Variants in CDH2 observed in about 807,000 individuals in gnomAD.
CDH2 encodes the protein cadherin 2.
In CDH2, 17 loss-of-function variants were observed where a neutral mutation model predicts 92.0. The ratio of observed to expected loss-of-function variants is 0.18; its 90% CI spans 0.13 to 0.28. CDH2 has a LOEUF of 0.28. CDH2 is among the 10% of genes least tolerant of loss of function. CDH2 has a pLI of 1.00. For synonymous variants in CDH2, 419 were observed against 415.9 expected (o/e 1.01, Z -0.09); for missense variants, 862 against 1,133.1 (o/e 0.76, Z 3.44).
At chr18:27,971,062 C>A (rs1039024732) in intron 14 of CDH2, among the ~76,000 whole-genome samples, 1 of 152,084 alleles carries the variant, frequency 6.6e-6, no homozygotes, top group Admixed American at 6.5e-5. Context: ...ATGGTGAAAC[C>A]CCGTCTCTAC....
intron 1 of CDH2, among the ~76,000 whole-genome samples, chr18:28,162,502 C>A (rs532487098): frequency 1.3e-5 from 2 of 152,262 alleles, no homozygotes; most frequent in South Asian, 2.1e-4. Flanking sequence ...GCATGGCCAG[C>A]GGCAGAAACT....
Position 27,952,237 on chromosome 18 carries a change from A to G in CDH2, c.2637T>C (p.Gly879=). ...SLSSLNSSSS[G]GEQDYDYLND... is the part of the protein sequence containing the mutation. ...TCAGGTAATCATAGTCCTGCTCACCACCACTACTTGAGGAATTAAGGGAGC... is the reference window on the plus strand; with the variant it reads ...TCAGGTAATCATAGTCCTGCTCACCGCCACTACTTGAGGAATTAAGGGAGC... Residue 879 remains glycine (G), a synonymous_variant, in exon 16 of 16, where the codon GGT becomes GGC. Coordinates refer to ENST00000269141, the MANE Select transcript of CDH2 (RefSeq NM_001792.5). 6.2e-7 allele frequency: 1 copy of G among 1,613,556 alleles called. No individual in the cohort carries two copies. The highest frequency in any genetic ancestry group is 2.2e-5 in the East Asian group (1 of 44,854).
intron 2 of CDH2, among the ~76,000 whole-genome samples, chr18:28,044,038 G>A (rs139553492): frequency 1.3e-5 from 2 of 151,488 alleles, no homozygotes; most frequent in Admixed American, 6.6e-5. Flanking sequence ...TCAGCCTCCT[G>A]AGTAGCTGGG....
intron 2 of CDH2, among the ~76,000 whole-genome samples, chr18:28,120,829 T>C (rs879520389): frequency 6.6e-6 from 1 of 152,120 alleles, no homozygotes; most frequent in Non-Finnish European, 1.5e-5. Flanking sequence ...ACCCACACTA[T>C]TAAGTTGTTT....
intron 2 of CDH2, among the ~76,000 whole-genome samples, chr18:28,106,399 AGAGT>A (rs913878596): frequency 1.3e-5 from 2 of 151,970 alleles, no homozygotes; most frequent in Non-Finnish European, 1.5e-5. Context: ...TCTGGGTGCC[AGAGT>A]GAGATTGCAT....
At chr18:28,107,149 T>A (rs2015334917) in intron 2 of CDH2, among the ~76,000 whole-genome samples, 1 of 151,980 alleles carries the variant, frequency 6.6e-6, no homozygotes, top group African/African-American at 2.4e-5. Flanking sequence ...GACTACAAAA[T>A]CAACGTTAAT....
intron 14 of CDH2, among the ~76,000 whole-genome samples, chr18:27,980,627 T>C (rs2143940074): frequency 6.6e-6 from 1 of 152,224 alleles, no homozygotes; most frequent in South Asian, 2.1e-4. Flanking sequence ...TCTAGACTAA[T>C]ATGCTATCAA....
chr18:27,940,918 C>G (rs2143834125), intron 6 of CDH2, among the ~76,000 whole-genome samples: 2 of 152,202 alleles, frequency 1.3e-5, no homozygotes, highest in Admixed American at 1.3e-4. Flanking sequence ...AGCTCCATCT[C>G]TGACCTGTTT....
chr18:27,933,180 A>G (rs1322803141), intron 6 of CDH2, among the ~76,000 whole-genome samples: 1 of 152,192 alleles, frequency 6.6e-6, no homozygotes, highest in African/African-American at 2.4e-5. Context: ...TTTTGGATTA[A>G]CACATACCAT....
intron 2 of CDH2, among the ~76,000 whole-genome samples, chr18:28,029,070 C>A (rs2013628524): frequency 6.6e-6 from 1 of 152,240 alleles, no homozygotes; most frequent in East Asian, 1.9e-4. Context: ...CAGTTCACTA[C>A]TTTCCAACTT....
intron 1 of CDH2, among the ~76,000 whole-genome samples, chr18:28,167,850 G>A (rs1598523144): frequency 6.6e-6 from 1 of 152,062 alleles, no homozygotes; most frequent in African/African-American, 2.4e-5. Context: ...AATCGTAAAG[G>A]TGTTGACACC....
intron 2 of CDH2, among the ~76,000 whole-genome samples, chr18:28,059,557 C>G (rs1187791203): frequency 3.9e-5 from 6 of 152,244 alleles, no homozygotes; most frequent in African/African-American, 1.4e-4. Flanking sequence ...TAACTAACTT[C>G]CATTTTCTAT....
intron 15 of CDH2, among the ~76,000 whole-genome samples, chr18:27,952,708 G>A (rs576396166): frequency 6.6e-6 from 1 of 152,192 alleles, no homozygotes; most frequent in East Asian, 1.9e-4. Context: ...ATAATATATA[G>A]AGCAGCATTG....
At chr18:27,968,006 T>C (rs924829708) in intron 14 of CDH2, among the ~76,000 whole-genome samples, 12 of 152,104 alleles carry the variant, frequency 7.9e-5, no homozygotes, top group African/African-American at 2.9e-4. Context: ...TTTCAGGGAG[T>C]AATGCAAACA....
intron 9 of CDH2, among the ~76,000 whole-genome samples, chr18:27,992,430 C>A (rs1034905040): frequency 1.3e-5 from 2 of 152,178 alleles, no homozygotes; most frequent in Non-Finnish European, 2.9e-5. Context: ...AAAACTCATT[C>A]AAAAACCCTC....
chr18:28,124,206 A>C (rs2144277968), intron 2 of CDH2, among the ~76,000 whole-genome samples: 1 of 152,142 alleles, frequency 6.6e-6, no homozygotes, highest in South Asian at 2.1e-4. Context: ...AGGGAGGGGT[A>C]AATCCAAGAT....
In CDH2 at chr18:28,147,924, A is replaced by G. The variant is rs1047613166; in HGVS notation, c.61-140T>C. The G allele has an allele frequency of 8.4e-6, 5 of 598,798 alleles. No homozygotes were observed. In the East Asian group the frequency reaches 1.4e-4, roughly 17 times the overall value. The allele number at this position is 598,798 out of a possible 1,614,324, so 37.1% of individuals were successfully genotyped here. A position where few individuals can be genotyped will look rare whatever the true frequency, so the allele number is the denominator to read the frequency against. On this transcript the variant is annotated intron_variant, in intron 1 of 15. Coordinates refer to ENST00000269141, the MANE Select transcript of CDH2 (RefSeq NM_001792.5). The stretch of plus-strand genomic sequence containing the variant: ...CCTTTGTTTCCAAGTGCTTACAATT[A>G]GAATGTAGAGGGCAAAGGGTTAATC...
chr18:27,974,643 A>C (rs2011765032), intron 14 of CDH2, among the ~76,000 whole-genome samples: 1 of 152,190 alleles, frequency 6.6e-6, no homozygotes, highest in Admixed American at 6.5e-5. Flanking sequence ...CTGAACCTGA[A>C]TTCCCAATAC....
intron 15 of CDH2, among the ~76,000 whole-genome samples, chr18:27,960,341 C>A (rs113928047): frequency 6.6e-6 from 1 of 152,054 alleles, no homozygotes. Flanking sequence ...TTTCACCCAA[C>A]GCTAGAAAAA....
Sources: gnomAD v4.1 joint callset for allele counts (sites outside exome capture counted in the v4.1 genomes callset) on GRCh38, gnomAD v4.1.1 for gene constraint, MANE v1.5 for transcripts, NCBI Gene and HGNC (gene_info 2026-07-23, HGNC 2026-07-21) for gene names.